The following EGLN2 variants were observed in gnomAD, a reference collection of about 807,000 sequenced individuals.
EGLN2 encodes the protein prolyl hydroxylase EGLN2.
A neutral mutation model predicts 38.2 loss-of-function variants in EGLN2; 15 were observed. The ratio of observed to expected loss-of-function variants is 0.39; its 90% CI spans 0.26 to 0.60. EGLN2 has a LOEUF of 0.60. EGLN2 is among the 20% of genes least tolerant of loss of function. The pLI is 0.50. For missense variants in EGLN2, 492 were observed against 570.4 expected, an observed-to-expected ratio of 0.86 and a Z score of 1.40; for synonymous variants, 284 against 237.4, an observed-to-expected ratio of 1.20 and a Z score of -1.81.
rs767700388 is a variant in EGLN2 at position 40,807,800 on chromosome 19, C to G, written c.1169-9C>G. ...TGACTCACTGTCTCCTGTCCCCTCT[C>G]ACCCCCAGCATCAGGACAGAAAGGT... On this transcript the variant is annotated splice_polypyrimidine_tract_variant and intron_variant, in intron 5 of 5. Coordinates refer to ENST00000303961, the MANE Select transcript of EGLN2 (RefSeq NM_080732.4). The G allele has an allele frequency of 6.2e-7, 1 of 1,614,104 alleles. No homozygotes were observed. Among genetic ancestry groups the G allele is most frequent in the Admixed American group, 1.7e-5 (1 of 60,002 alleles).
Position 40,808,152 on chromosome 19 carries a change from G to A in EGLN2, c.*288G>A. 1 of 512,842 alleles carries A rather than the reference G, an allele frequency of 1.9e-6. No individual in the cohort carries two copies. The highest frequency in any genetic ancestry group is 3.5e-6 in the Non-Finnish European group (1 of 288,754). 31.8% of individuals were successfully genotyped at this position (512,842 alleles called of 1,614,324 possible). ...ACCCTGTCTGGTCATGACCCCATTA[G>A]GTATGGAGAGCTGGGAGGAGGCATT... On this transcript the variant is annotated 3_prime_UTR_variant, in exon 6 of 6. Transcript: ENST00000303961.
chr19:40,806,965 C>T, intron 3 of EGLN2, 173 bp from the exon 4 acceptor site: 2 of 1,091,482 alleles, frequency 1.8e-6, no homozygotes, highest in Middle Eastern at 2.0e-4. Flanking sequence ...TAGTAGCTTC[C>T]TGCCCATCTC....
intron 2 of EGLN2, 29 bp from the exon 3 acceptor site, chr19:40,806,526 G>A (rs1568502817): frequency 6.2e-7 from 1 of 1,613,324 alleles, no homozygotes; most frequent in Non-Finnish European, 8.5e-7. Context: ...CCTAGCCCCA[G>A]TAAACCTACC....
intron 2 of EGLN2, among the ~76,000 whole-genome samples, chr19:40,801,765 TAAAC>T (rs1161803693): frequency 6.7e-6 from 1 of 148,794 alleles, no homozygotes; most frequent in Non-Finnish European, 1.5e-5. Flanking sequence ...GGTCAGCAGA[TAAAC>T]AAGTGAACAG....
In EGLN2 at chr19:40,800,419, A is replaced by C; in HGVS notation, c.-154A>C. 24 of 1,187,836 alleles carry C rather than the reference A, an allele frequency of 2.0e-5. No homozygotes were observed. The highest frequency in any genetic ancestry group is 2.9e-5 in the Admixed American group (1 of 34,508). The allele number at this position is 1,187,836 out of a possible 1,614,324, so 73.6% of individuals were successfully genotyped here. A position where few individuals can be genotyped will look rare whatever the true frequency, so the allele number is the denominator to read the frequency against. ...AGCAAGCAACCCCCAGGGCACGAGA[A>C]GAGCTCTTGCTGTCTGCCCTGCCTC... On this transcript the variant is annotated 5_prime_UTR_variant, in exon 2 of 6. Coordinates refer to ENST00000303961, the MANE Select transcript of EGLN2 (RefSeq NM_080732.4).
intron 2 of EGLN2, 90 bp from the exon 3 acceptor site, chr19:40,806,465 G>A (rs1599762852): frequency 1.3e-6 from 2 of 1,580,182 alleles, no homozygotes; most frequent in East Asian, 2.3e-5. Context: ...GATGGGGCAA[G>A]GAGGGGTGGG....
rs779230789 is a variant in EGLN2 at position 40,800,527 on chromosome 19, G to A, written c.-46G>A. ...GAGGCGGAGGAGGGTGGCACCATGGGCCCGGGCGGTGCCCTCCATGCCCGG... is the reference window on the plus strand; with the variant it reads ...GAGGCGGAGGAGGGTGGCACCATGGACCCGGGCGGTGCCCTCCATGCCCGG... On this transcript the variant is annotated 5_prime_UTR_variant, in exon 2 of 6. Coordinates refer to ENST00000303961, the MANE Select transcript of EGLN2 (RefSeq NM_080732.4). 2.0e-6 allele frequency: 3 copies of A among 1,521,090 alleles called. No individual in the cohort carries two copies. In the South Asian group the frequency reaches 3.8e-5, roughly 19 times the overall value. The allele number at this position is 1,521,090 out of a possible 1,614,324, so 94.2% of individuals were successfully genotyped here. A position where few individuals can be genotyped will look rare whatever the true frequency, so the allele number is the denominator to read the frequency against.
chr19:40,804,359 C>CA (rs1433886724), intron 2 of EGLN2: 1 of 152,438 alleles, frequency 6.6e-6, no homozygotes, highest in African/African-American at 2.4e-5. Context: ...TCCTGAATAA[C>CA]AAAGAGGGTC....
chr19:40,807,999 G>C lies in EGLN2; in HGVS notation c.*135G>C, dbSNP rs2083318437. On this transcript the variant is annotated 3_prime_UTR_variant, in exon 6 of 6. Transcript: ENST00000303961. ...TGTCCTGCCTGGTGTGGAGGGCTCT[G>C]TCTGTTGCTGAGGACCAAGGAGGAG... 16 of 851,624 alleles carry C rather than the reference G, an allele frequency of 1.9e-5. No homozygotes were observed. In the South Asian group the frequency reaches 2.5e-4, roughly 13 times the overall value. 52.8% of individuals were successfully genotyped at this position (851,624 alleles called of 1,614,324 possible).
chr19:40,806,922 T>G (rs2083307109), intron 3 of EGLN2: 3 of 940,040 alleles, frequency 3.2e-6, no homozygotes, highest in Non-Finnish European at 4.7e-6. Context: ...CCACCCGGCC[T>G]TGTAATGAAC....
chr19:40,802,926 C>T (rs534168127), intron 2 of EGLN2, among the ~76,000 whole-genome samples: 2 of 152,392 alleles, frequency 1.3e-5, no homozygotes, highest in East Asian at 1.9e-4. Context: ...TGGCTTTCCT[C>T]TCAGGCTGGA....
chr19:40,806,984 T>G, intron 3 of EGLN2, 154 bp from the exon 4 acceptor site: 1 of 1,196,994 alleles, frequency 8.4e-7, no homozygotes, highest in South Asian at 1.5e-5. Flanking sequence ...TCCATGGTGA[T>G]GCAGTCTCTG....
intron 5 of EGLN2, 76 bp downstream of exon 5, chr19:40,807,627 C>T (rs1319964885): frequency 6.5e-7 from 1 of 1,531,414 alleles, no homozygotes; most frequent in East Asian, 2.3e-5. Flanking sequence ...TCCCCCTCAT[C>T]AGCCTCTTGT....
Position 40,806,548 on chromosome 19 carries a change from C to T in EGLN2, c.844-7C>T. 1 of 1,614,092 alleles carries T rather than the reference C, an allele frequency of 6.2e-7. No homozygotes were observed. The highest frequency in any genetic ancestry group is 8.5e-7 in the Non-Finnish European group (1 of 1,179,972). ...CCAGTAAACCTACCTCCCTCCATCC[C>T]TGCCAGGCCATGGTGGCGTGTTACC... On this transcript the variant is annotated splice_polypyrimidine_tract_variant and splice_region_variant and intron_variant, in intron 2 of 5. Transcript: ENST00000303961.
chr19:40,807,800 C>T lies in EGLN2; in HGVS notation c.1169-9C>T, dbSNP rs767700388. 1 of 1,614,104 alleles carries T rather than the reference C, an allele frequency of 6.2e-7. No individual in the cohort carries two copies. Among genetic ancestry groups the T allele is most frequent in the Non-Finnish European group, 8.5e-7 (1 of 1,179,974 alleles). On this transcript the variant is annotated splice_polypyrimidine_tract_variant and intron_variant, in intron 5 of 5. Transcript: ENST00000303961. ...TGACTCACTGTCTCCTGTCCCCTCT[C>T]ACCCCCAGCATCAGGACAGAAAGGT...
chr19:40,807,049 G>A (rs917168341), intron 3 of EGLN2, 89 bp from the exon 4 acceptor site: 2 of 1,575,286 alleles, frequency 1.3e-6, no homozygotes, highest in East Asian at 2.3e-5. Flanking sequence ...GCAGGCAGAC[G>A]CTGCGCCTCC....
In EGLN2 at chr19:40,807,191, C is replaced by T; in HGVS notation, c.1017C>T (p.Asn339=). Residue 339 remains asparagine (N), a synonymous_variant, in exon 4 of 6, where the codon AAC becomes AAT. Transcript: ENST00000303961. ...CTGAGGGCCGGCCCGTGGTAGCCAA[C>T]ATCGAGCCACTCTTTGACCGGTTGC... ...IFPEGRPVVA[N]IEPLFDRLLI... 1.2e-6 allele frequency: 2 copies of T among 1,614,190 alleles called. No individual in the cohort carries two copies. Among genetic ancestry groups the T allele is most frequent in the Admixed American group, 1.7e-5 (1 of 60,018 alleles).
At chr19:40,806,999 G>GAGAC (rs2083308218) in intron 3 of EGLN2, 139 bp from the exon 4 acceptor site, 1 of 1,323,580 alleles carries the variant, frequency 7.6e-7, no homozygotes, top group South Asian at 1.4e-5. Context: ...TCTCTGGGTT[G>GAGAC]TCATTCACTT....
intron 3 of EGLN2, 149 bp downstream of exon 3, chr19:40,806,823 C>T (rs1451053329): frequency 3.4e-6 from 4 of 1,168,946 alleles, no homozygotes; most frequent in Middle Eastern, 3.9e-4. Flanking sequence ...GATCTGCCGG[C>T]TCTTCCTGGG....
Sources: allele counts gnomAD v4.1 joint callset (sites outside exome capture counted in the v4.1 genomes callset), GRCh38; gene constraint gnomAD v4.1.1; transcripts MANE v1.5; gene names NCBI Gene and HGNC (gene_info 2026-07-23, HGNC 2026-07-21).